NRXN3: variants seen among roughly 807,000 people sequenced by gnomAD.
The protein encoded by NRXN3 is neurexin III.
A neutral mutation model predicts 137.6 loss-of-function variants in NRXN3; 32 were observed. The observed-to-expected ratio is 0.23, with a 90% CI of 0.18 to 0.31. The LOEUF (loss-of-function observed/expected upper bound fraction) is 0.31. Ranked by LOEUF, NRXN3 falls within the 10% of genes least tolerant of loss-of-function variation. NRXN3 has a pLI of 1.00. For missense variants in NRXN3, 1,574 were observed against 2,062.5 expected (o/e 0.76, Z 4.59); for synonymous variants, 798 against 784.5 (o/e 1.02, Z -0.29).
intron 15 of NRXN3, among the ~76,000 whole-genome samples, chr14:79,127,291 G>A (rs1187595896): frequency 2.0e-5 from 3 of 152,086 alleles, no homozygotes; most frequent in Non-Finnish European, 2.9e-5. Context: ...TTTTCTTCTA[G>A]GGTTTTTATG....
chr14:79,503,022 G>T (rs2153676393), intron 16 of NRXN3, among the ~76,000 whole-genome samples: 1 of 152,084 alleles, frequency 6.6e-6, no homozygotes, highest in Non-Finnish European at 1.5e-5. Flanking sequence ...GGGTTATGGT[G>T]GCTTGGCCAT....
intron 4 of NRXN3, among the ~76,000 whole-genome samples, chr14:78,631,863 C>A (rs1041710822): frequency 6.6e-6 from 1 of 151,786 alleles, no homozygotes; most frequent in Non-Finnish European, 1.5e-5. Context: ...GAGGCTGAGG[C>A]GGCAGGATCA....
intron 10 of NRXN3, among the ~76,000 whole-genome samples, chr14:78,939,168 A>G (rs1222923524): frequency 6.6e-6 from 1 of 152,114 alleles, no homozygotes; most frequent in Non-Finnish European, 1.5e-5. Flanking sequence ...CTAAGGCAAT[A>G]ATCTGACCCT....
chr14:78,733,250 AACACATTGTTGTTGACGG>A lies in NRXN3; in HGVS notation c.2044+18112_2044+18129del, dbSNP rs550958652. Among the ~76,000 whole-genome samples the A allele has an allele frequency of 2.1e-3, 325 of 152,246 alleles. 2 individuals carry two copies. Among genetic ancestry groups the A allele is most frequent in the African/African-American group, 7.5e-3 (312 of 41,552 alleles). The stretch of plus-strand genomic sequence containing the variant: ...CATGCCTGGGATATAGAACGTGCTC[AACACATTGTTGTTGACGG>A]TGATAGGTTCAGGGCACAGGTATCC... On this transcript the variant is annotated intron_variant, in intron 8 of 20. Transcript: ENST00000335750.
At chr14:79,733,674 G>GTTT in intron 19 of NRXN3, among the ~76,000 whole-genome samples, 1 of 125,120 alleles carries the variant, frequency 8.0e-6, no homozygotes, top group African/African-American at 2.7e-5. Context: ...TGCTGTTGTT[G>GTTT]TTTTTTTTTT....
chr14:78,951,873 A>G (rs576293211), intron 10 of NRXN3, among the ~76,000 whole-genome samples: 27 of 152,326 alleles, frequency 1.8e-4, no homozygotes, highest in African/African-American at 6.3e-4. Flanking sequence ...AGGCTGAAGT[A>G]GAGGATGAGG....
intron 15 of NRXN3, among the ~76,000 whole-genome samples, chr14:79,403,470 C>T (rs1165076281): frequency 2.0e-5 from 3 of 152,170 alleles, no homozygotes; most frequent in African/African-American, 7.2e-5. Flanking sequence ...TGGACTCTGT[C>T]ACCCTGTTAC....
chr14:79,741,673 A>T (rs1440309685), intron 19 of NRXN3, among the ~76,000 whole-genome samples: 1 of 151,782 alleles, frequency 6.6e-6, no homozygotes, highest in African/African-American at 2.4e-5. Context: ...TTTAGTAGAG[A>T]TGGGGTTTTG....
chr14:79,044,966 A>G (rs1039766877), intron 15 of NRXN3, among the ~76,000 whole-genome samples: 2 of 152,036 alleles, frequency 1.3e-5, no homozygotes, highest in African/African-American at 2.4e-5. Context: ...GAAAATGCCT[A>G]TGGTGTCTTT....
chr14:79,164,006 T>C (rs1424778570), intron 15 of NRXN3, among the ~76,000 whole-genome samples: 1 of 151,998 alleles, frequency 6.6e-6, no homozygotes, highest in Non-Finnish European at 1.5e-5. Context: ...CTCTTCAACC[T>C]ACATTTTATT....
At chr14:79,320,318 G>T (rs1424628211) in intron 15 of NRXN3, among the ~76,000 whole-genome samples, 1 of 152,134 alleles carries the variant, frequency 6.6e-6, no homozygotes, top group Non-Finnish European at 1.5e-5. Flanking sequence ...TAAATAAGTG[G>T]TGGACATTTT....
intron 15 of NRXN3, among the ~76,000 whole-genome samples, chr14:79,426,823 C>T (rs957050721): frequency 6.6e-6 from 1 of 152,080 alleles, no homozygotes; most frequent in African/African-American, 2.4e-5. Context: ...GGAATAATTT[C>T]CCTGTATAGA....
intron 10 of NRXN3, among the ~76,000 whole-genome samples, chr14:78,905,206 A>G (rs1232088611): frequency 6.6e-6 from 1 of 152,036 alleles, no homozygotes; most frequent in African/African-American, 2.4e-5. Flanking sequence ...TGTGTTCTAC[A>G]GAGGATCACC....
intron 6 of NRXN3, among the ~76,000 whole-genome samples, chr14:78,659,844 T>C (rs943970066): frequency 2.0e-5 from 3 of 151,872 alleles, no homozygotes; most frequent in Non-Finnish European, 4.4e-5. Context: ...GGAATTGAAG[T>C]GGGCAGGAAA....
chr14:79,157,374 C>T (rs12891137), intron 15 of NRXN3, among the ~76,000 whole-genome samples: 118,027 of 151,616 alleles, frequency 0.78, 48,680 homozygotes, highest in East Asian at 0.95. Context: ...GGGAGTCTTA[C>T]CACCTTGGGG....
intron 16 of NRXN3, among the ~76,000 whole-genome samples, chr14:79,595,945 A>G (rs2097854428): frequency 6.6e-6 from 1 of 152,166 alleles, no homozygotes; most frequent in South Asian, 2.1e-4. Flanking sequence ...AAGGCTGAGG[A>G]TTTATTTATG....
intron 19 of NRXN3, among the ~76,000 whole-genome samples, chr14:79,756,411 A>T (rs1474767176): frequency 6.6e-6 from 1 of 152,146 alleles, no homozygotes; most frequent in Admixed American, 6.6e-5. Flanking sequence ...TTTAGAGAGG[A>T]TCTTTCTTTC....
intron 4 of NRXN3, among the ~76,000 whole-genome samples, chr14:78,387,718 C>T (rs528571885): frequency 6.6e-6 from 1 of 152,330 alleles, no homozygotes; most frequent in South Asian, 2.1e-4. Flanking sequence ...ACTCCCAGAA[C>T]ATCTCTGATC....
intron 15 of NRXN3, among the ~76,000 whole-genome samples, chr14:79,012,857 C>A (rs528316998): frequency 1.3e-5 from 2 of 152,268 alleles, no homozygotes; most frequent in Admixed American, 6.5e-5. Flanking sequence ...CATTTCCCCC[C>A]ATCAAACCGT....
Sources: gnomAD v4.1 joint callset for allele counts (sites outside exome capture counted in the v4.1 genomes callset) on GRCh38, gnomAD v4.1.1 for gene constraint, MANE v1.5 for transcripts, NCBI Gene and HGNC (gene_info 2026-07-23, HGNC 2026-07-21) for gene names.